CGNL1: variants seen among roughly 807,000 people sequenced by gnomAD.
CGNL1 encodes the protein cingulin like 1.
Under a neutral mutation model 141.2 loss-of-function variants are expected in CGNL1, and 132 were observed. The observed-to-expected ratio is 0.93, with a 90% CI of 0.81 to 1.08. CGNL1 has a LOEUF of 1.08. CGNL1 is among the 50% of genes least tolerant of loss of function. The pLI, the probability that CGNL1 is intolerant of heterozygous loss-of-function variation, is 0.00. For missense variants in CGNL1, 1,870 were observed against 1,588.6 expected (o/e 1.18, Z -3.01); for synonymous variants, 690 against 622.1 (o/e 1.11, Z -1.63).
At chr15:57,407,843 G>C (rs1424100532) in intron 1 of CGNL1, among the ~76,000 whole-genome samples, 3 of 151,146 alleles carry the variant, frequency 2.0e-5, no homozygotes, top group Admixed American at 1.3e-4. Context: ...CCGTCTCCTG[G>C]GTTCAAGTGA....
At chr15:57,400,169 T>A (rs549453190) in intron 1 of CGNL1, among the ~76,000 whole-genome samples, 27 of 152,160 alleles carry the variant, frequency 1.8e-4, no homozygotes, top group Admixed American at 1.6e-3. Context: ...AAGTTTTAAA[T>A]TTTTTTGTTT....
At chr15:57,479,626 T>G (rs1217335223) in intron 8 of CGNL1, among the ~76,000 whole-genome samples, 1 of 152,186 alleles carries the variant, frequency 6.6e-6, no homozygotes, top group Non-Finnish European at 1.5e-5. Flanking sequence ...ATTGTGCCAC[T>G]GCACTTCAGC....
chr15:57,521,107 G>A (rs1471098664), intron 10 of CGNL1, among the ~76,000 whole-genome samples: 11 of 152,112 alleles, frequency 7.2e-5, no homozygotes, highest in Non-Finnish European at 2.9e-5. Context: ...AGTCTCTGTA[G>A]CTACAGAGCG....
chr15:57,449,487 C>T (rs868053809), intron 4 of CGNL1, among the ~76,000 whole-genome samples: 3 of 152,160 alleles, frequency 2.0e-5, no homozygotes, highest in Admixed American at 1.3e-4. Flanking sequence ...TCCCCACATA[C>T]GCCCTCCACC....
intron 8 of CGNL1, among the ~76,000 whole-genome samples, chr15:57,490,058 C>T (rs1028606553): frequency 9.2e-5 from 14 of 152,168 alleles, no homozygotes; most frequent in Admixed American, 8.5e-4. Context: ...TCGTGACAGA[C>T]ACAATTTCTC....
chr15:57,409,143 C>G (rs1188991222), intron 1 of CGNL1, among the ~76,000 whole-genome samples: 1 of 152,076 alleles, frequency 6.6e-6, no homozygotes, highest in East Asian at 1.9e-4. Flanking sequence ...ACCACGTGCA[C>G]ACGCGTGTGT....
chr15:57,486,184 T>C (rs1475473458), intron 8 of CGNL1, among the ~76,000 whole-genome samples: 1 of 152,142 alleles, frequency 6.6e-6, no homozygotes, highest in African/African-American at 2.4e-5. Flanking sequence ...AAACTTCACT[T>C]CTTTCAGGGA....
At chr15:57,417,595 A>G (rs538323790) in intron 1 of CGNL1, among the ~76,000 whole-genome samples, 15 of 137,684 alleles carry the variant, frequency 1.1e-4, no homozygotes, top group African/African-American at 4.0e-4. Flanking sequence ...GTCACTCAGA[A>G]TTGAAATAGT....
At chr15:57,512,128 A>G (rs2030364310) in intron 8 of CGNL1, among the ~76,000 whole-genome samples, 1 of 152,202 alleles carries the variant, frequency 6.6e-6, no homozygotes. Context: ...ACAAAGTCTC[A>G]TCTGGAAAGA....
At chr15:57,539,515 C>A (rs1263824555) in intron 14 of CGNL1, among the ~76,000 whole-genome samples, 3 of 152,210 alleles carry the variant, frequency 2.0e-5, no homozygotes, top group Non-Finnish European at 1.5e-5. Context: ...GTGCCCCCTC[C>A]AGCCCTGGGT....
Position 57,531,621 on chromosome 15 carries a change from G to A in CGNL1, c.3202-69G>A. 4.1e-6 allele frequency: 4 copies of A among 970,814 alleles called. No homozygotes were observed. In the South Asian group the frequency reaches 5.2e-5, roughly 13 times the overall value. The allele number at this position is 970,814 out of a possible 1,614,324, so 60.1% of individuals were successfully genotyped here. ...TTTGCCCTTAGGATTGTTTCTCTGT[G>A]GGGGAGCCTTTGCTGTTAATCCCGG... On this transcript the variant is annotated intron_variant, in intron 13 of 18. Transcript: ENST00000281282.
chr15:57,458,356 C>T (rs1407749755), intron 7 of CGNL1, among the ~76,000 whole-genome samples: 1 of 152,134 alleles, frequency 6.6e-6, no homozygotes, highest in Admixed American at 6.6e-5. Flanking sequence ...CATCGTGTAC[C>T]TTTTAGTCTC....
At chr15:57,391,530 C>T (rs1334537551) in intron 1 of CGNL1, among the ~76,000 whole-genome samples, 3 of 152,174 alleles carry the variant, frequency 2.0e-5, no homozygotes, top group African/African-American at 7.2e-5. Flanking sequence ...TATAAATTCA[C>T]TGGGCTTCTA....
At position 57,524,598 on chromosome 15, in the gene CGNL1, G is replaced by A. The variant is rs1052091573; in HGVS notation, c.2886G>A (p.Glu962=). The change falls in exon 12 of 19, where the codon GAG becomes GAA. Residue 962 remains glutamate (E), a synonymous_variant. Coordinates refer to ENST00000281282, the MANE Select transcript of CGNL1 (RefSeq NM_032866.5). ...KLQKEMADIV[E]ASRTSTLELQ... Reference sequence around the variant, plus strand: ...TCTTCTAGATGGCAGACATTGTTGAGGCCTCCCGTACCTCAACCCTGGAGC... The same window carrying A: ...TCTTCTAGATGGCAGACATTGTTGAAGCCTCCCGTACCTCAACCCTGGAGC... 29 of 1,613,014 alleles carry A rather than the reference G, an allele frequency of 1.8e-5. 1 individual carries two copies. In the Admixed American group the frequency reaches 4.8e-4, roughly 27 times the overall value.
intron 8 of CGNL1, among the ~76,000 whole-genome samples, chr15:57,507,510 AT>A (rs1352046423): frequency 6.6e-6 from 1 of 152,234 alleles, no homozygotes; most frequent in Non-Finnish European, 1.5e-5. Flanking sequence ...CTGAGTTGCC[AT>A]AGGAAAAACT....
At chr15:57,464,734 T>TTTCC in intron 8 of CGNL1, among the ~76,000 whole-genome samples, 1 of 106,668 alleles carries the variant, frequency 9.4e-6, no homozygotes, top group African/African-American at 3.6e-5. Context: ...CCTTTCCTTC[T>TTTCC]TTCTTTCTTT....
chr15:57,545,725 C>T, intron 17 of CGNL1, 25 bp downstream of exon 17: 1 of 1,574,758 alleles, frequency 6.4e-7, no homozygotes, highest in South Asian at 1.1e-5. Context: ...CGTGCATTTG[C>T]TCTTAGATGA....
chr15:57,510,499 CTG>C (rs751059198), intron 8 of CGNL1, among the ~76,000 whole-genome samples: 3 of 152,154 alleles, frequency 2.0e-5, no homozygotes, highest in Non-Finnish European at 4.4e-5. Flanking sequence ...GGACATGTGT[CTG>C]TGTGCCGGGT....
intron 1 of CGNL1, among the ~76,000 whole-genome samples, chr15:57,409,170 G>T (rs371736599): frequency 3.9e-5 from 6 of 152,250 alleles, no homozygotes; most frequent in East Asian, 1.9e-4. Context: ...GGAACAAAAG[G>T]TCTGAAATCT....
Sources: allele counts gnomAD v4.1 joint callset (sites outside exome capture counted in the v4.1 genomes callset), GRCh38; gene constraint gnomAD v4.1.1; transcripts MANE v1.5; gene names NCBI Gene and HGNC (gene_info 2026-07-23, HGNC 2026-07-21).